The following NRXN1 variants were observed in gnomAD, a reference collection of about 807,000 sequenced individuals.
The protein encoded by NRXN1 is neurexin 1.
In NRXN1, 39 loss-of-function variants were observed where a neutral mutation model predicts 150.9. The observed-to-expected ratio is 0.26, with a 90% CI of 0.20 to 0.34. The LOEUF (loss-of-function observed/expected upper bound fraction) is 0.34. Among genes scored for constraint, NRXN1 ranks in the 10% least tolerant of loss-of-function variants. NRXN1 has a pLI of 1.00. For synonymous variants in NRXN1, 924 were observed against 757.0 expected (o/e 1.22, Z -3.62); for missense variants, 1,815 against 1,949.9 (o/e 0.93, Z 1.30).
intron 9 of NRXN1, among the ~76,000 whole-genome samples, chr2:50,545,939 A>C (rs561081894): frequency 6.6e-6 from 1 of 152,326 alleles, no homozygotes; most frequent in East Asian, 1.9e-4. Flanking sequence ...CATAGTTATT[A>C]TACTGCATTG....
At chr2:50,390,123 T>G (rs1239111677) in intron 17 of NRXN1, among the ~76,000 whole-genome samples, 1 of 152,114 alleles carries the variant, frequency 6.6e-6, no homozygotes, top group Admixed American at 6.6e-5. Context: ...AATGGTCAAA[T>G]AAAGACAGGT....
At chr2:50,810,437 T>A (rs1475489971) in intron 5 of NRXN1, among the ~76,000 whole-genome samples, 1 of 152,170 alleles carries the variant, frequency 6.6e-6, no homozygotes, top group Non-Finnish European at 1.5e-5. Context: ...AGTTTTAATG[T>A]CTTTTAAAGA....
intron 21 of NRXN1, among the ~76,000 whole-genome samples, chr2:49,961,079 G>C (rs1573065600): frequency 6.6e-6 from 1 of 151,850 alleles, no homozygotes; most frequent in African/African-American, 2.4e-5. Context: ...GAAAAAGCTG[G>C]ATTTCTAGGG....
At chr2:49,936,412 T>C (rs535917845) in intron 22 of NRXN1, among the ~76,000 whole-genome samples, 2 of 152,280 alleles carry the variant, frequency 1.3e-5, no homozygotes, top group African/African-American at 4.8e-5. Flanking sequence ...CACCTGTCAT[T>C]GGATGTGTGA....
At chr2:50,345,238 T>C (rs1490720878) in intron 17 of NRXN1, among the ~76,000 whole-genome samples, 2 of 152,168 alleles carry the variant, frequency 1.3e-5, no homozygotes, top group Non-Finnish European at 1.5e-5. Context: ...GATGTGTTTT[T>C]TCTAGTATGC....
intron 17 of NRXN1, among the ~76,000 whole-genome samples, chr2:50,344,451 G>A (rs1225874751): frequency 6.6e-6 from 1 of 151,964 alleles, no homozygotes; most frequent in Non-Finnish European, 1.5e-5. Context: ...AGGAGAGTGG[G>A]CAGAAATCCA....
At chr2:50,315,167 G>A in intron 17 of NRXN1, among the ~76,000 whole-genome samples, 1 of 152,082 alleles carries the variant, frequency 6.6e-6, no homozygotes, top group East Asian at 1.9e-4. Context: ...AAGAATATGT[G>A]AGCTTTTTTT....
chr2:50,075,053 AAC>A (rs1696867333), intron 19 of NRXN1, among the ~76,000 whole-genome samples: 5 of 152,252 alleles, frequency 3.3e-5, no homozygotes, highest in Admixed American at 3.3e-4. Flanking sequence ...AGAAATTGAG[AAC>A]ACTGTAGTCA....
intron 10 of NRXN1, among the ~76,000 whole-genome samples, chr2:50,532,862 G>A (rs143860784): frequency 2.6e-5 from 4 of 152,126 alleles, no homozygotes; most frequent in South Asian, 2.1e-4. Context: ...CAAAACAAGC[G>A]TGAATCAGTT....
At chr2:50,316,908 G>A (rs1287630912) in intron 17 of NRXN1, among the ~76,000 whole-genome samples, 1 of 151,802 alleles carries the variant, frequency 6.6e-6, no homozygotes, top group Non-Finnish European at 1.5e-5. Context: ...ATTTCTTTTA[G>A]GTAACTTTTT....
At chr2:50,694,489 T>C (rs1487039637) in intron 5 of NRXN1, among the ~76,000 whole-genome samples, 1 of 152,212 alleles carries the variant, frequency 6.6e-6, no homozygotes, top group South Asian at 2.1e-4. Context: ...TGTGTCTCCA[T>C]AACCTTCTAT....
chr2:50,437,494 T>C (rs1429362826), intron 17 of NRXN1, among the ~76,000 whole-genome samples: 2 of 152,240 alleles, frequency 1.3e-5, no homozygotes, highest in Non-Finnish European at 2.9e-5. Context: ...GATTTTGCTT[T>C]CTGTGAAAAT....
intron 12 of NRXN1, among the ~76,000 whole-genome samples, chr2:50,508,241 A>G (rs2092320603): frequency 6.6e-6 from 1 of 152,184 alleles, no homozygotes; most frequent in Non-Finnish European, 1.5e-5. Flanking sequence ...TCAGTTATTT[A>G]TATCTGTTTG....
chr2:50,248,589 C>G (rs1211072185), intron 17 of NRXN1, among the ~76,000 whole-genome samples: 5 of 152,144 alleles, frequency 3.3e-5, no homozygotes, highest in Non-Finnish European at 5.9e-5. Context: ...GAGTAGTCAA[C>G]TCTGGGATCA....
In NRXN1 at chr2:50,128,218, A is replaced by G. The variant is rs188950201; in HGVS notation, c.3547-36724T>C. 3.4e-3 allele frequency among the ~76,000 whole-genome samples: 514 copies of G among 152,286 alleles called. 1 individual carries two copies. The highest frequency in any genetic ancestry group is 5.3e-3 in the Non-Finnish European group (359 of 68,024). Reference sequence around the variant, plus strand: ...TAGGTGAAAAGATATCTCTGAGAAGATATGAGTTTGTTGGTACTAGGGCAA... The same window carrying G: ...TAGGTGAAAAGATATCTCTGAGAAGGTATGAGTTTGTTGGTACTAGGGCAA... On this transcript the variant is annotated intron_variant, in intron 18 of 22. Transcript: ENST00000401669.
chr2:50,811,683 T>C (rs1668233607), intron 5 of NRXN1, among the ~76,000 whole-genome samples: 1 of 152,220 alleles, frequency 6.6e-6, no homozygotes, highest in Admixed American at 6.5e-5. Context: ...ATTTATTATC[T>C]GGCTTCATAA....
chr2:50,651,478 ACATG>A (rs1559075667), intron 5 of NRXN1, among the ~76,000 whole-genome samples: 3 of 131,072 alleles, frequency 2.3e-5, no homozygotes, highest in African/African-American at 8.9e-5. Context: ...ACGTAACATG[ACATG>A]ACATGACATG....
At chr2:50,898,336 G>A (rs1014689) in intron 5 of NRXN1, among the ~76,000 whole-genome samples, 5,180 of 152,058 alleles carry the variant, frequency 0.034, 163 homozygotes, top group East Asian at 0.079. Flanking sequence ...GATTTTAACT[G>A]CAGTTTTATT....
intron 8 of NRXN1, among the ~76,000 whole-genome samples, chr2:50,617,549 G>T (rs988840534): frequency 6.6e-6 from 1 of 152,090 alleles, no homozygotes; most frequent in East Asian, 1.9e-4. Context: ...GATTACACAA[G>T]TCAAGAAAAA....
Sources: gnomAD v4.1 joint callset for allele counts (sites outside exome capture counted in the v4.1 genomes callset) on GRCh38, gnomAD v4.1.1 for gene constraint, MANE v1.5 for transcripts, NCBI Gene and HGNC (gene_info 2026-07-23, HGNC 2026-07-21) for gene names.